The following PRCC variants were observed in gnomAD, a reference collection of about 807,000 sequenced individuals.
The protein encoded by PRCC is proline rich mitotic checkpoint control factor, also known as proline-rich protein PRCC.
Under a neutral mutation model 44.0 loss-of-function variants are expected in PRCC, and 10 were observed. The ratio of observed to expected loss-of-function variants is 0.23; its 90% CI spans 0.14 to 0.39. The LOEUF is 0.39. Ranked by LOEUF, PRCC falls within the 10% of genes least tolerant of loss-of-function variation. The pLI, the probability that PRCC is intolerant of heterozygous loss-of-function variation, is 1.00. For missense variants in PRCC, 573 were observed against 624.7 expected (o/e 0.92, Z 0.88); for synonymous variants, 278 against 259.5 (o/e 1.07, Z -0.69).
At chr1:156,769,485 C>G (rs1651543815) in intron 1 of PRCC, among the ~76,000 whole-genome samples, 1 of 152,166 alleles carries the variant, frequency 6.6e-6, no homozygotes, top group Non-Finnish European at 1.5e-5. Flanking sequence ...ACTGAATACT[C>G]CCATGGATAT....
Position 156,792,734 on chromosome 1 carries a change from C to T in PRCC, c.1179+942C>T, listed in dbSNP as rs141462217. 2.6e-5 allele frequency among the ~76,000 whole-genome samples: 4 copies of T among 152,108 alleles called. No individual in the cohort carries two copies. The South Asian group carries it at 6.2e-4, about 24-fold the overall frequency. On this transcript the variant is annotated intron_variant, in intron 4 of 6. Transcript: ENST00000271526. The stretch of plus-strand genomic sequence containing the variant: ...CCTCCCAAAGTGCTGGGATTACAGG[C>T]GTGAGCCACTGCATCTAGCCGGCCA...
rs67388360 is a variant in PRCC, at chr1:156,792,053, C to CTTTT, written c.1179+286_1179+289dup. ...ACAGAGTCAGGGATCTAGTCCCCTT[C>CTTTT]TTTTTTTTTTTTTTTTTTTTTTTTT... On this transcript the variant is annotated intron_variant, in intron 4 of 6. Transcript: ENST00000271526. Among the ~76,000 whole-genome samples the CTTTT allele has an allele frequency of 8.9e-4, 52 of 58,452 alleles. 6 individuals are homozygous for CTTTT. Among genetic ancestry groups the CTTTT allele is most frequent in the South Asian group, 3.1e-3 (3 of 960 alleles). The allele number at this position is 58,452 out of a possible 152,430, so 38.3% of individuals were successfully genotyped here.
chr1:156,782,914 T>A (rs6686426), intron 2 of PRCC, among the ~76,000 whole-genome samples: 10,652 of 151,812 alleles, frequency 0.07, 414 homozygotes, highest in African/African-American at 0.095. Context: ...ATATATATAT[T>A]TTTTTTTTGA....
chr1:156,787,248 T>TA, intron 3 of PRCC, 74 bp downstream of exon 3: 2 of 1,464,496 alleles, frequency 1.4e-6, no homozygotes, highest in Non-Finnish European at 1.9e-6. Context: ...GAGCTAGTGA[T>TA]ACAGCCTCTG....
chr1:156,799,363 A>G (rs767961704), intron 6 of PRCC, among the ~76,000 whole-genome samples: 8 of 152,192 alleles, frequency 5.3e-5, no homozygotes, highest in Non-Finnish European at 1.2e-4. Context: ...TTATTAGAAA[A>G]AAACCCATGT....
chr1:156,793,610 G>A (rs1225178947), intron 4 of PRCC, among the ~76,000 whole-genome samples: 1 of 152,052 alleles, frequency 6.6e-6, no homozygotes, highest in Non-Finnish European at 1.5e-5. Context: ...CCACTCTGGT[G>A]TGGGGTCTGT....
chr1:156,787,282 C>G, intron 3 of PRCC, 108 bp downstream of exon 3: 2 of 1,246,964 alleles, frequency 1.6e-6, no homozygotes, highest in Admixed American at 2.3e-5. Flanking sequence ...GCTAAATTAA[C>G]CTTCTCTATT....
intron 5 of PRCC, among the ~76,000 whole-genome samples, chr1:156,795,283 G>GTGTT (rs1652622375): frequency 2.8e-5 from 1 of 36,154 alleles, no homozygotes; most frequent in Non-Finnish European, 5.6e-5. Flanking sequence ...TCATTTTCTG[G>GTGTT]TGTTTTTTTT....
At position 156,769,609 on chromosome 1, in the gene PRCC, A is replaced by AT. The variant is rs997373821; in HGVS notation, c.468+1378dup. Among the ~76,000 whole-genome samples, 59 of 147,086 alleles carry AT rather than the reference A, an allele frequency of 4.0e-4. 1 individual carries two copies. The highest frequency in any genetic ancestry group is 1.0e-3 in the Admixed American group (15 of 14,814). ...TTTTTTTTAAATTTTTTTTATTTTT[A>AT]TTTTTTTTGAGACGGAGTCTCCCTC... On this transcript the variant is annotated intron_variant, in intron 1 of 6. Coordinates refer to ENST00000271526, the MANE Select transcript of PRCC (RefSeq NM_005973.5).
At chr1:156,795,285 G>GTT (rs35911411) in intron 5 of PRCC, among the ~76,000 whole-genome samples, 417 of 36,052 alleles carry the variant, frequency 0.012, 83 homozygotes, top group African/African-American at 0.039. Context: ...ATTTTCTGGT[G>GTT]TTTTTTTTTT....
rs35911411 is a variant in PRCC, at chr1:156,795,285, G to GTTTTTTTTTTTTTT, written c.1323+488_1323+501dup. Among the ~76,000 whole-genome samples, 16 of 36,062 alleles carry GTTTTTTTTTTTTTT rather than the reference G, an allele frequency of 4.4e-4. 4 individuals carry two copies. Among genetic ancestry groups the GTTTTTTTTTTTTTT allele is most frequent in the South Asian group, 4.0e-3 (2 of 498 alleles). 23.7% of individuals were successfully genotyped at this position (36,062 alleles called of 152,430 possible). A position where few individuals can be genotyped will look rare whatever the true frequency, so the allele number is the denominator to read the frequency against. The stretch of plus-strand genomic sequence containing the variant: ...CTTCCAATTGTTTTCATTTTCTGGT[G>GTTTTTTTTTTTTTT]TTTTTTTTTTTTTTTTTTTTTTTTC... On this transcript the variant is annotated intron_variant, in intron 5 of 6. Transcript: ENST00000271526.
In PRCC at chr1:156,777,524, T is replaced by TA. The variant is rs796540847; in HGVS notation, c.469-4746dup. 5.9e-3 allele frequency among the ~76,000 whole-genome samples: 855 copies of TA among 145,378 alleles called. 6 individuals are homozygous for TA. Among genetic ancestry groups the TA allele is most frequent in the African/African-American group, 0.017 (693 of 39,916 alleles). On this transcript the variant is annotated intron_variant, in intron 1 of 6. Transcript: ENST00000271526. ...ACTAAGATGGATTTCCCTTACGGGT[T>TA]AAAAAAAAAAAACATATTTGGCAGC...
chr1:156,779,098 C>T (rs1177415589), intron 1 of PRCC, among the ~76,000 whole-genome samples: 17 of 87,258 alleles, frequency 1.9e-4, no homozygotes, highest in Admixed American at 5.5e-4. Context: ...CGCGCCCGGC[C>T]GGGTAATATA....
chr1:156,775,064 C>T (rs1324818224), intron 1 of PRCC, among the ~76,000 whole-genome samples: 6 of 151,462 alleles, frequency 4.0e-5, no homozygotes, highest in African/African-American at 7.3e-5. Flanking sequence ...CTGGCTAACA[C>T]GGTGAAACCC....
chr1:156,772,844 G>A (rs1043903250), intron 1 of PRCC, among the ~76,000 whole-genome samples: 2 of 152,166 alleles, frequency 1.3e-5, no homozygotes, highest in Non-Finnish European at 2.9e-5. Flanking sequence ...AACTGTGCTG[G>A]GCACTTACTT....
chr1:156,791,294 C>G lies in PRCC; in HGVS notation c.1084-403C>G, dbSNP rs1268469052. On this transcript the variant is annotated intron_variant, in intron 3 of 6. Transcript: ENST00000271526. ...GGAGCAGGAATGGCATGACGTATACCTTCTCGTCCCTGCTCGCATCGTAGC... is the reference window on the plus strand; with the variant it reads ...GGAGCAGGAATGGCATGACGTATACGTTCTCGTCCCTGCTCGCATCGTAGC... The G allele has an allele frequency of 8.1e-6, 5 of 614,790 alleles. No individual in the cohort carries two copies. In the East Asian group the frequency reaches 1.9e-4, roughly 24 times the overall value. The allele number at this position is 614,790 out of a possible 1,614,324, so 38.1% of individuals were successfully genotyped here.
chr1:156,778,895 G>T (rs2102758275), intron 1 of PRCC, among the ~76,000 whole-genome samples: 1 of 151,352 alleles, frequency 6.6e-6, no homozygotes, highest in South Asian at 2.1e-4. Flanking sequence ...TTCCTCCTGG[G>T]TTCAAGCGAT....
Position 156,767,877 on chromosome 1 carries a change from G to A in PRCC, c.106G>A (p.Gly36Arg). The A allele has an allele frequency of 1.9e-6, 3 of 1,606,432 alleles. No individual in the cohort carries two copies. Among genetic ancestry groups the A allele is most frequent in the Non-Finnish European group, 2.5e-6 (3 of 1,177,358 alleles). Residue 36 changes from glycine (G) to arginine (R), a missense_variant, in exon 1 of 7, where the codon GGG becomes AGG. Physicochemically the swap from Gly to Arg is moderately radical, Grantham distance 125 (BLOSUM62 -2). Transcript: ENST00000271526. ...AVAPTSGPAL[G>R]GLFASLPAPK... ...GGCTCCTACATCTGGGCCCGCTTTAGGGGGCTTGTTCGCTTCTCTCCCTGC... is the reference window on the plus strand; with the variant it reads ...GGCTCCTACATCTGGGCCCGCTTTAAGGGGCTTGTTCGCTTCTCTCCCTGC...
chr1:156,777,765 G>C (rs1262411181), intron 1 of PRCC, among the ~76,000 whole-genome samples: 1 of 152,122 alleles, frequency 6.6e-6, no homozygotes, highest in African/African-American at 2.4e-5. Context: ...AGTCATCAGA[G>C]AGACTTCTCA....
Sources: allele counts gnomAD v4.1 joint callset (sites outside exome capture counted in the v4.1 genomes callset), GRCh38; gene constraint gnomAD v4.1.1; transcripts MANE v1.5; gene names NCBI Gene and HGNC (gene_info 2026-07-23, HGNC 2026-07-21).